Variants in TMCO1 observed in about 807,000 individuals in gnomAD.
TMCO1 encodes the protein calcium load-activated calcium channel.
A neutral mutation model predicts 29.3 loss-of-function variants in TMCO1; 29 were observed. The ratio of observed to expected loss-of-function variants is 0.99; its 90% CI spans 0.74 to 1.35. The LOEUF (loss-of-function observed/expected upper bound fraction) is 1.35, where lower values mean the gene tolerates loss of function less well. TMCO1 is among the 40% of genes most tolerant of loss of function. The pLI, the probability that TMCO1 is intolerant of heterozygous loss-of-function variation, is 0.00. For missense variants in TMCO1, 173 were observed against 225.5 expected, an observed-to-expected ratio of 0.77 and a Z score of 1.49; for synonymous variants, 80 against 77.1, an observed-to-expected ratio of 1.04 and a Z score of -0.20.
chr1:165,731,716 C>T (rs972381669), intron 6 of TMCO1, among the ~76,000 whole-genome samples: 8 of 152,182 alleles, frequency 5.3e-5, no homozygotes, highest in East Asian at 1.9e-4. Context: ...CTGCTCTAGA[C>T]GGGAATATCT....
chr1:165,763,481 T>G (rs1237575525), intron 2 of TMCO1, among the ~76,000 whole-genome samples: 1 of 152,100 alleles, frequency 6.6e-6, no homozygotes, highest in Non-Finnish European at 1.5e-5. Flanking sequence ...TTATCCAGAG[T>G]AGAGGACCTA....
intron 6 of TMCO1, among the ~76,000 whole-genome samples, chr1:165,742,955 G>A (rs1651649898): frequency 6.6e-6 from 1 of 152,092 alleles, no homozygotes; most frequent in South Asian, 2.1e-4. Context: ...ATCCATGTTT[G>A]GTTTTATCAC....
At chr1:165,726,171 C>T (rs192544358), downstream of TMCO1, 444 of 693,868 alleles carry the variant, frequency 6.4e-4, 2 homozygotes, top group African/African-American at 6.9e-3. Context: ...CATTATCATT[C>T]GAATTATTAT....
intron 6 of TMCO1, among the ~76,000 whole-genome samples, chr1:165,733,248 T>C (rs573288931): frequency 1.3e-5 from 2 of 152,374 alleles, no homozygotes; most frequent in South Asian, 4.1e-4. Flanking sequence ...TCCATTAAAC[T>C]TAACCTGACT....
chr1:165,730,432 T>G (rs908654606), intron 6 of TMCO1, among the ~76,000 whole-genome samples: 1 of 152,180 alleles, frequency 6.6e-6, no homozygotes, highest in Admixed American at 6.5e-5. Context: ...GGACATAACT[T>G]TAAGGACTCA....
rs1652386304 is a variant in TMCO1 at position 165,761,169 on chromosome 1, ATTTGTGTG to A, written c.149-1593_149-1586del. Reference sequence around the variant, plus strand: ...CCAAAATAAAATATGTGTTTTGTGTATTTGTGTGTGTGTGTGTGTGTGTGTTTGTTCTG... The same window carrying A: ...CCAAAATAAAATATGTGTTTTGTGTATGTGTGTGTGTGTGTGTTTGTTCTG... On this transcript the variant is annotated intron_variant, in intron 2 of 6. Transcript: ENST00000367881. 2.2e-5 allele frequency among the ~76,000 whole-genome samples: 3 copies of A among 138,314 alleles called. No individual in the cohort carries two copies. The Admixed American group carries it at 2.2e-4, about 10-fold the overall frequency. The allele number at this position is 138,314 out of a possible 152,430, so 90.7% of individuals were successfully genotyped here. A position where few individuals can be genotyped will look rare whatever the true frequency, so the allele number is the denominator to read the frequency against.
At chr1:165,739,696 A>G (rs1205842151) in intron 6 of TMCO1, among the ~76,000 whole-genome samples, 1 of 151,866 alleles carries the variant, frequency 6.6e-6, no homozygotes, top group African/African-American at 2.4e-5. Flanking sequence ...GCTCTAAATG[A>G]TAATTCTTAA....
At chr1:165,757,023 G>C (rs1340632729) in intron 3 of TMCO1, among the ~76,000 whole-genome samples, 1 of 152,036 alleles carries the variant, frequency 6.6e-6, no homozygotes, top group African/African-American at 2.4e-5. Flanking sequence ...TCTTGCATGA[G>C]AATGAGCAAG....
chr1:165,749,847 A>C (rs764674712), intron 5 of TMCO1, among the ~76,000 whole-genome samples: 1 of 152,156 alleles, frequency 6.6e-6, no homozygotes, highest in Non-Finnish European at 1.5e-5. Context: ...CATAAAAAAT[A>C]AACGTCAAAA....
At chr1:165,759,462 T>G (rs1652320101) in intron 3 of TMCO1, 63 bp downstream of exon 3, 1 of 1,156,254 alleles carries the variant, frequency 8.6e-7, no homozygotes, top group African/African-American at 1.5e-5. Flanking sequence ...TATATTTTCA[T>G]TATCTAAGAA....
chr1:165,732,333 G>A (rs1651193399), intron 6 of TMCO1, among the ~76,000 whole-genome samples: 1 of 139,886 alleles, frequency 7.1e-6, no homozygotes, highest in African/African-American at 2.7e-5. Context: ...CCTTTATTAA[G>A]CCACCTCTCT....
chr1:165,749,639 G>C (rs770444154), intron 5 of TMCO1, among the ~76,000 whole-genome samples: 2 of 151,994 alleles, frequency 1.3e-5, no homozygotes, highest in African/African-American at 2.4e-5. Context: ...CTCCGGCCTG[G>C]GTAATGGAGT....
At chr1:165,734,650 C>T (rs920238728) in intron 6 of TMCO1, among the ~76,000 whole-genome samples, 3 of 152,018 alleles carry the variant, frequency 2.0e-5, no homozygotes, top group Non-Finnish European at 2.9e-5. Flanking sequence ...GGATTACAGG[C>T]GCCTGCCACC....
At chr1:165,761,071 G>T (rs1381616655) in intron 2 of TMCO1, among the ~76,000 whole-genome samples, 1 of 152,014 alleles carries the variant, frequency 6.6e-6, no homozygotes, top group East Asian at 1.9e-4. Flanking sequence ...AGCAAAATTG[G>T]TATCACTGCT....
intron 2 of TMCO1, among the ~76,000 whole-genome samples, chr1:165,760,304 G>A (rs904523761): frequency 6.6e-6 from 1 of 152,020 alleles, no homozygotes; most frequent in Non-Finnish European, 1.5e-5. Flanking sequence ...AGTGGCATAT[G>A]CCTATAATTC....
chr1:165,730,281 G>A (rs921407268), intron 6 of TMCO1, among the ~76,000 whole-genome samples: 3 of 152,004 alleles, frequency 2.0e-5, no homozygotes, highest in South Asian at 4.1e-4. Context: ...AGCCTGCAGT[G>A]AGCCGAGATC....
intron 6 of TMCO1, 101 bp from the exon 7 acceptor site, chr1:165,728,222 T>A: frequency 2.3e-6 from 2 of 863,626 alleles, no homozygotes; most frequent in Non-Finnish European, 3.8e-6. Flanking sequence ...TCATATAGAT[T>A]AAAGGAACCA....
At chr1:165,743,060 G>A in intron 6 of TMCO1, 107 bp downstream of exon 6, 1 of 1,379,354 alleles carries the variant, frequency 7.2e-7, no homozygotes, top group Non-Finnish European at 1.0e-6. Flanking sequence ...GCAACTGAAA[G>A]AACTCAGGAA....
intron 5 of TMCO1, among the ~76,000 whole-genome samples, chr1:165,746,971 T>C (rs1196592975): frequency 4.6e-5 from 7 of 151,908 alleles, no homozygotes; most frequent in South Asian, 2.1e-4. Context: ...TCACAAAAAT[T>C]GATAACCTGC....
Sources: gnomAD v4.1 joint callset for allele counts (sites outside exome capture counted in the v4.1 genomes callset) on GRCh38, gnomAD v4.1.1 for gene constraint, MANE v1.5 for transcripts, NCBI Gene and HGNC (gene_info 2026-07-23, HGNC 2026-07-21) for gene names.